FAM117A: variants seen among roughly 807,000 people sequenced by gnomAD.
FAM117A encodes protein FAM117A.
A neutral mutation model predicts 44.1 loss-of-function variants in FAM117A; 21 were observed. The ratio of observed to expected loss-of-function variants is 0.48; its 90% CI spans 0.34 to 0.69. The LOEUF (loss-of-function observed/expected upper bound fraction) is 0.69. Among genes scored for constraint, FAM117A ranks in the 30% least tolerant of loss-of-function variants. The pLI, the probability that FAM117A is intolerant of heterozygous loss-of-function variation, is 0.01. For missense variants in FAM117A, 498 were observed against 589.9 expected, an observed-to-expected ratio of 0.84 and a Z score of 1.61; for synonymous variants, 220 against 238.3, an observed-to-expected ratio of 0.92 and a Z score of 0.71.
chr17:49,715,527 C>A (rs780507562), intron 7 of FAM117A, among the ~76,000 whole-genome samples: 2 of 152,286 alleles, frequency 1.3e-5, no homozygotes, highest in South Asian at 2.1e-4. Flanking sequence ...GCTCTCAATT[C>A]TTTCGGCTAA....
chr17:49,769,403 A>G (rs1033942297), intron 1 of FAM117A, among the ~76,000 whole-genome samples: 5 of 152,180 alleles, frequency 3.3e-5, no homozygotes, highest in African/African-American at 1.2e-4. Flanking sequence ...CAGAGACATT[A>G]AAACTTTAGA....
chr17:49,715,844 G>A (rs1201940858), intron 7 of FAM117A, among the ~76,000 whole-genome samples: 1 of 152,102 alleles, frequency 6.6e-6, no homozygotes, highest in East Asian at 1.9e-4. Flanking sequence ...TTATGGTCTA[G>A]CAAATTCTCA....
chr17:49,787,194 A>G (rs1346365115), intron 1 of FAM117A, among the ~76,000 whole-genome samples: 2 of 152,232 alleles, frequency 1.3e-5, no homozygotes, highest in African/African-American at 2.4e-5. Context: ...GAACATTCAA[A>G]TGTAACCTCA....
At chr17:49,738,155 C>T (rs147864890) in intron 1 of FAM117A, among the ~76,000 whole-genome samples, 207 of 152,318 alleles carry the variant, frequency 1.4e-3, no homozygotes, top group African/African-American at 4.8e-3. Flanking sequence ...TTCCATCACT[C>T]TTCATATCCT....
chr17:49,745,867 G>C (rs2073652668), intron 1 of FAM117A, among the ~76,000 whole-genome samples: 1 of 152,184 alleles, frequency 6.6e-6, no homozygotes, highest in Non-Finnish European at 1.5e-5. Context: ...GCTGGGTTCT[G>C]ATCAAAAACA....
intron 1 of FAM117A, among the ~76,000 whole-genome samples, chr17:49,773,983 A>G (rs1293380590): frequency 2.6e-5 from 4 of 152,014 alleles, no homozygotes; most frequent in Non-Finnish European, 4.4e-5. Flanking sequence ...CAAATTCCCG[A>G]CCTCAGGCAA....
upstream of FAM117A, among the ~76,000 whole-genome samples, chr17:49,768,616 AG>A (rs2073751990): frequency 6.6e-6 from 1 of 152,156 alleles, no homozygotes. Context: ...CTGGCTCCTC[AG>A]GGAACAAGAT....
upstream of FAM117A, among the ~76,000 whole-genome samples, chr17:49,768,631 G>A (rs1406136620): frequency 6.6e-6 from 1 of 152,168 alleles, no homozygotes; most frequent in African/African-American, 2.4e-5. Flanking sequence ...ACAAGATCCT[G>A]AGGAAATGGG....
intron 1 of FAM117A, among the ~76,000 whole-genome samples, chr17:49,740,476 T>G (rs539170495): frequency 6.6e-6 from 1 of 152,146 alleles, no homozygotes; most frequent in Non-Finnish European, 1.5e-5. Context: ...GTCTTGATCT[T>G]CTGACCTTGT....
chr17:49,761,768 A>G (rs2073723294), intron 1 of FAM117A, among the ~76,000 whole-genome samples: 1 of 152,194 alleles, frequency 6.6e-6, no homozygotes, highest in African/African-American at 2.4e-5. Flanking sequence ...TTAACATATA[A>G]AAGCCCTGAT....
chr17:49,768,172 C>T (rs1034231593), upstream of FAM117A, among the ~76,000 whole-genome samples: 3 of 152,072 alleles, frequency 2.0e-5, no homozygotes, highest in Non-Finnish European at 4.4e-5. Flanking sequence ...TAAGAGATTA[C>T]CAAGGGCAAA....
chr17:49,765,416 CAGAGAA>C (rs2073742574), upstream of FAM117A, among the ~76,000 whole-genome samples: 1 of 152,142 alleles, frequency 6.6e-6, no homozygotes, highest in African/African-American at 2.4e-5. Flanking sequence ...ACTAACTAAT[CAGAGAA>C]AAAGAGGTAA....
intron 1 of FAM117A, among the ~76,000 whole-genome samples, chr17:49,738,951 C>T (rs1407743182): frequency 6.6e-6 from 1 of 152,124 alleles, no homozygotes; most frequent in Non-Finnish European, 1.5e-5. Flanking sequence ...CCAAATGCAA[C>T]ACAAACCAAA....
chr17:49,731,255 C>T (rs2073583472), intron 2 of FAM117A, among the ~76,000 whole-genome samples: 1 of 152,200 alleles, frequency 6.6e-6, no homozygotes. Flanking sequence ...CCCAATGTCC[C>T]CCAGGGTGAA....
At chr17:49,754,751 G>A (rs79538707) in intron 1 of FAM117A, among the ~76,000 whole-genome samples, 5 of 152,028 alleles carry the variant, frequency 3.3e-5, no homozygotes, top group South Asian at 2.1e-4. Flanking sequence ...TAAAACAGCC[G>A]TTTTCGGCCA....
upstream of FAM117A, among the ~76,000 whole-genome samples, chr17:49,767,912 A>C (rs77593952): frequency 2.9e-4 from 39 of 136,070 alleles, no homozygotes; most frequent in Admixed American, 1.4e-3. Context: ...AAATAATAAT[A>C]AAAAAAAAAA....
intron 1 of FAM117A, among the ~76,000 whole-genome samples, chr17:49,736,656 G>A (rs1464751094): frequency 6.6e-6 from 1 of 152,078 alleles, no homozygotes; most frequent in African/African-American, 2.4e-5. Flanking sequence ...AAACTATACT[G>A]CATACCATTT....
chr17:49,784,436 T>G (rs757220607), intron 1 of FAM117A, among the ~76,000 whole-genome samples: 2 of 152,140 alleles, frequency 1.3e-5, no homozygotes, highest in Non-Finnish European at 2.9e-5. Context: ...CTCCTCTGCT[T>G]AAGGACTTTC....
intron 1 of FAM117A, among the ~76,000 whole-genome samples, chr17:49,759,104 C>T (rs934692946): frequency 6.6e-6 from 1 of 152,212 alleles, no homozygotes; most frequent in African/African-American, 2.4e-5. Flanking sequence ...TGTGAGAGAA[C>T]AAAGTCCTCT....
Sources: allele counts gnomAD v4.1 joint callset (sites outside exome capture counted in the v4.1 genomes callset), GRCh38; gene constraint gnomAD v4.1.1; transcripts MANE v1.5; gene names NCBI Gene and HGNC (gene_info 2026-07-23, HGNC 2026-07-21).